Variants in SFXN5 observed in about 807,000 individuals in gnomAD.
SFXN5 encodes the protein sideroflexin-5.
Under a neutral mutation model 50.2 loss-of-function variants are expected in SFXN5, and 43 were observed. The ratio of observed to expected loss-of-function variants is 0.86; its 90% CI spans 0.67 to 1.11. The LOEUF is 1.11. Among genes scored for constraint, SFXN5 ranks in the 50% least tolerant of loss-of-function variants. SFXN5 has a pLI of 0.00. For missense variants in SFXN5, 463 were observed against 454.1 expected (o/e 1.02, Z -0.18); for synonymous variants, 203 against 185.8 (o/e 1.09, Z -0.75).
At chr2:73,049,245 G>A (rs1316583789) in intron 2 of SFXN5, 3 of 152,262 alleles carry the variant, frequency 2.0e-5, no homozygotes, top group Non-Finnish European at 2.9e-5. Context: ...AGAACAGAAC[G>A]GCAAGAGGGC....
intron 2 of SFXN5, among the ~76,000 whole-genome samples, chr2:73,052,351 TGTGTATGC>T (rs1268705169): frequency 2.6e-4 from 32 of 125,344 alleles, no homozygotes; most frequent in Non-Finnish European, 3.9e-4. Context: ...TGTGTGTGTG[TGTGTATGC>T]GTGTGTGTGT....
intron 6 of SFXN5, among the ~76,000 whole-genome samples, chr2:73,016,045 T>C (rs1231651540): frequency 6.6e-6 from 1 of 152,232 alleles, no homozygotes. Context: ...TTTAAATGTA[T>C]TGCCTTGAGT....
Position 72,961,414 on chromosome 2 carries a change from T to C in SFXN5, c.828-166A>G, listed in dbSNP as rs1352698451. Among the ~76,000 whole-genome samples, 1 of 152,200 alleles carries C rather than the reference T, an allele frequency of 6.6e-6. No homozygotes were observed. Among genetic ancestry groups the C allele is most frequent in the Admixed American group, 6.5e-5 (1 of 15,288 alleles). ...TAGCAGAGTTCTGTCTTTGGGACCT[T>C]TTCCCGATAGGTACCCCTATCCCAG... On this transcript the variant is annotated intron_variant, in intron 12 of 13. Coordinates refer to ENST00000272433, the MANE Select transcript of SFXN5 (RefSeq NM_144579.3). This position sits in a 1 kb window ranked among gnomAD's most constrained non-coding sequence, Gnocchi z 4.4.
intron 9 of SFXN5, among the ~76,000 whole-genome samples, chr2:72,993,700 T>C (rs760409560): frequency 2.0e-5 from 3 of 152,126 alleles, no homozygotes; most frequent in Non-Finnish European, 4.4e-5. Context: ...AGCCACCCCC[T>C]GAACACAGCA....
At chr2:72,981,319 G>A (rs1671278696) in intron 10 of SFXN5, 1 of 151,862 alleles carries the variant, frequency 6.6e-6, no homozygotes. Context: ...CCACACCAGG[G>A]ACCCATTCTG....
chr2:73,036,764 C>T (rs1462564565), intron 3 of SFXN5, among the ~76,000 whole-genome samples: 4 of 152,232 alleles, frequency 2.6e-5, no homozygotes, highest in Admixed American at 2.6e-4. Context: ...CCAACTCTCA[C>T]AGGTCTCAGA....
At chr2:72,967,965 T>C (rs1674639734) in intron 12 of SFXN5, among the ~76,000 whole-genome samples, 1 of 152,178 alleles carries the variant, frequency 6.6e-6, no homozygotes, top group Non-Finnish European at 1.5e-5. Context: ...TTACTATTTG[T>C]ATTTTACGAG....
chr2:72,963,564 G>C (rs2105398508), intron 12 of SFXN5, among the ~76,000 whole-genome samples: 1 of 152,220 alleles, frequency 6.6e-6, no homozygotes, highest in African/African-American at 2.4e-5. Flanking sequence ...ATGGCAAGGA[G>C]GGAAGGGAAA....
chr2:72,952,353 A>G (rs903901021), intron 13 of SFXN5, among the ~76,000 whole-genome samples: 1 of 152,132 alleles, frequency 6.6e-6, no homozygotes, highest in Non-Finnish European at 1.5e-5. Context: ...ACATGCTTTT[A>G]TCTCCATCCC....
At chr2:73,048,199 C>G (rs1480052842) in intron 2 of SFXN5, among the ~76,000 whole-genome samples, 1 of 152,038 alleles carries the variant, frequency 6.6e-6, no homozygotes, top group African/African-American at 2.4e-5. Flanking sequence ...GATATAGATA[C>G]GTACATATTG....
rs1405133596 is a variant in SFXN5 at position 72,973,719 on chromosome 2, A to G, written c.626-2034T>C. On this transcript the variant is annotated intron_variant, in intron 10 of 13. Transcript: ENST00000272433. The surrounding 1 kb of genome is among the most constrained non-coding windows in gnomAD (Gnocchi z 5.5). Reference sequence around the variant, plus strand: ...CCTCAGCCCCAGGCGCCCAGGGCTCAGGGCCCAGAAGGGTCCCCCAGGGTA... The same window carrying G: ...CCTCAGCCCCAGGCGCCCAGGGCTCGGGGCCCAGAAGGGTCCCCCAGGGTA... Among the ~76,000 whole-genome samples the G allele has an allele frequency of 2.6e-5, 4 of 152,210 alleles. No individual in the cohort carries two copies. The highest frequency in any genetic ancestry group is 4.4e-5 in the Non-Finnish European group (3 of 68,032).
chr2:73,001,223 G>C (rs1414775329), intron 7 of SFXN5, among the ~76,000 whole-genome samples: 1 of 152,260 alleles, frequency 6.6e-6, no homozygotes, highest in Non-Finnish European at 1.5e-5. Flanking sequence ...CCAAGGGGCA[G>C]AGTGGGGGCC....
intron 10 of SFXN5, among the ~76,000 whole-genome samples, chr2:72,986,172 G>A (rs985483977): frequency 6.6e-6 from 1 of 152,206 alleles, no homozygotes; most frequent in African/African-American, 2.4e-5. Context: ...AGAAATAGCT[G>A]AAAGTTCATT....
chr2:72,965,251 G>A (rs897109308), intron 12 of SFXN5, among the ~76,000 whole-genome samples: 23 of 152,300 alleles, frequency 1.5e-4, no homozygotes, highest in African/African-American at 5.5e-4. Context: ...AGAATGATGC[G>A]GAGTTTGGCT....
chr2:72,971,446 G>A (rs1193160465), intron 11 of SFXN5, 124 bp downstream of exon 11: 3 of 636,162 alleles, frequency 4.7e-6, no homozygotes, highest in Non-Finnish European at 8.3e-6. Flanking sequence ...GGGGTGAGGA[G>A]GAGACATCAA....
At chr2:73,014,237 A>G (rs1040833439) in intron 6 of SFXN5, among the ~76,000 whole-genome samples, 1 of 152,176 alleles carries the variant, frequency 6.6e-6, no homozygotes, top group Non-Finnish European at 1.5e-5. Context: ...GTCCTTTTGC[A>G]TATAAGGTGA....
Position 73,048,593 on chromosome 2 carries a change from TTTTTA to T in SFXN5, c.172-7667_172-7663del, listed in dbSNP as rs558590802. 1.2e-3 allele frequency among the ~76,000 whole-genome samples: 177 copies of T among 152,260 alleles called. 3 individuals carry two copies. Among genetic ancestry groups the T allele is most frequent in the Admixed American group, 0.011 (170 of 15,284 alleles). On this transcript the variant is annotated intron_variant, in intron 2 of 13. Transcript: ENST00000272433. ...TTCTAGCAGGTTGGATGATGAGCAGTTTTTATTTTCTTTAGACTTTTATATGTCTT... is the reference window on the plus strand; with the variant it reads ...TTCTAGCAGGTTGGATGATGAGCAGTTTTTCTTTAGACTTTTATATGTCTT...
At chr2:73,059,537 A>G in intron 1 of SFXN5, 3 of 985,268 alleles carry the variant, frequency 3.0e-6, no homozygotes, top group African/African-American at 1.7e-5. Flanking sequence ...TCCCTTCCCA[A>G]TAAGGACCCT....
chr2:73,000,453 T>C lies in SFXN5; in HGVS notation c.446A>G (p.Tyr149Cys), dbSNP rs1198549443. The change falls in exon 8 of 14, where the codon TAT (tyrosine) becomes TGT (cysteine). Residue 149 changes from tyrosine to cysteine, a missense_variant. Coordinates refer to ENST00000272433, the MANE Select transcript of SFXN5 (RefSeq NM_144579.3). ...LNQSHNACVN[Y>C]ANRNATKPSP... ...CACCTTGGTCGCATTGCGGTTTGCA[T>C]AGTTGACACAGGCATTGTGGCTCTG... The C allele has an allele frequency of 6.4e-7, 1 of 1,560,686 alleles. No individual in the cohort carries two copies.
Sources: allele counts gnomAD v4.1 joint callset (sites outside exome capture counted in the v4.1 genomes callset), GRCh38; gene constraint gnomAD v4.1.1; non-coding constraint Gnocchi (gnomAD v3.1); transcripts MANE v1.5; gene names NCBI Gene and HGNC (gene_info 2026-07-23, HGNC 2026-07-21).